The following ZC3H11A variants were observed in gnomAD, a reference collection of about 807,000 sequenced individuals.
The protein encoded by ZC3H11A is zinc finger CCCH-type containing 11A, also known as zinc finger CCCH domain-containing protein 11A.
ZC3H11A carries 22 observed loss-of-function variants against 90.8 expected under a neutral mutation model. The ratio of observed to expected loss-of-function variants is 0.24; its 90% CI spans 0.17 to 0.35. The LOEUF is 0.35. Ranked by LOEUF, ZC3H11A falls within the 10% of genes least tolerant of loss-of-function variation. The probability of loss-of-function intolerance (pLI) is 1.00; values close to 1 mark genes in which losing one functional copy is unlikely to be tolerated. For missense variants in ZC3H11A, 701 were observed against 964.9 expected (o/e 0.73, Z 3.62); for synonymous variants, 294 against 339.8 (o/e 0.87, Z 1.48).
Position 203,828,336 on chromosome 1 carries a change from A to G in ZC3H11A, c.212A>G (p.Gln71Arg). 6.2e-7 allele frequency: 1 copy of G among 1,614,132 alleles called. No individual in the cohort carries two copies. The highest frequency in any genetic ancestry group is 8.5e-7 in the Non-Finnish European group (1 of 1,179,986). The change falls in exon 5 of 18, where the codon CAG (glutamine) becomes CGG (arginine). Residue 71 changes from glutamine to arginine, a missense_variant. Gln to Arg is a conservative substitution (Grantham distance 43, BLOSUM62 1). This residue lies in a region of ZC3H11A where 59 missense variants were observed against 132.8 expected (regional missense o/e 0.44). Transcript: ENST00000367210. ...GAAATTCCTTGTTATTGGGAAAATC[A>G]GCCAACAGGATGTCAAAAATTAAAC... ...RSEIPCYWEN[Q>R]PTGCQKLNCA...
intron 11 of ZC3H11A, among the ~76,000 whole-genome samples, chr1:203,839,929 G>C (rs1685556254): frequency 6.6e-6 from 1 of 151,788 alleles, no homozygotes; most frequent in Non-Finnish European, 1.5e-5. Flanking sequence ...TCAGCCTCCA[G>C]AGTATCTGAG....
chr1:203,831,622 C>T (rs772316781), intron 8 of ZC3H11A, 39 bp from the exon 9 acceptor site: 3 of 1,560,352 alleles, frequency 1.9e-6, no homozygotes, highest in Non-Finnish European at 2.6e-6. Flanking sequence ...GCATTATTTT[C>T]CATAAATTAT....
intron 11 of ZC3H11A, 55 bp downstream of exon 11, chr1:203,838,119 T>C (rs1684951263): frequency 1.3e-6 from 2 of 1,513,812 alleles, no homozygotes. Flanking sequence ...ACTTGTGTCT[T>C]GTAATGCTAA....
chr1:203,830,224 A>G (rs900332382), intron 8 of ZC3H11A, 21 bp downstream of exon 8: 3 of 1,568,142 alleles, frequency 1.9e-6, no homozygotes, highest in Non-Finnish European at 2.6e-6. Context: ...ACGTTTTGGC[A>G]TGGATAGTTG....
intron 12 of ZC3H11A, among the ~76,000 whole-genome samples, chr1:203,846,419 T>C (rs181555389): frequency 6.6e-6 from 1 of 152,334 alleles, no homozygotes; most frequent in Non-Finnish European, 1.5e-5. Context: ...TTCTATCTTG[T>C]CACCTGTTTT....
rs777951704 is a variant in ZC3H11A, at chr1:203,802,922, T to C, written c.-240T>C. On this transcript the variant is annotated 5_prime_UTR_variant, in exon 2 of 18. Transcript: ENST00000367210. ...GAAATTTTTTTCTGCCTCATTATTATTAATTCATGGATTGAGTGTTGGTTC... is the reference window on the plus strand; with the variant it reads ...GAAATTTTTTTCTGCCTCATTATTACTAATTCATGGATTGAGTGTTGGTTC... 6.6e-6 allele frequency: 1 copy of C among 152,572 alleles called. No homozygotes were observed. Among genetic ancestry groups the C allele is most frequent in the Non-Finnish European group, 1.5e-5 (1 of 68,026 alleles). 9.5% of individuals were successfully genotyped at this position (152,572 alleles called of 1,614,324 possible).
At chr1:203,827,849 A>T (rs1200943085) in intron 4 of ZC3H11A, among the ~76,000 whole-genome samples, 1 of 152,180 alleles carries the variant, frequency 6.6e-6, no homozygotes, top group Non-Finnish European at 1.5e-5. Flanking sequence ...CTATGTGCTT[A>T]GTGCTTTATA....
At chr1:203,837,748 G>A (rs1684833699) in intron 10 of ZC3H11A, among the ~76,000 whole-genome samples, 1 of 152,160 alleles carries the variant, frequency 6.6e-6, no homozygotes, top group Non-Finnish European at 1.5e-5. Flanking sequence ...AAAGTGCTGA[G>A]ATTACAGGCC....
At chr1:203,800,729 C>G (rs1670309927) in intron 1 of ZC3H11A, 1 of 267,758 alleles carries the variant, frequency 3.7e-6, no homozygotes, top group East Asian at 7.1e-5. Flanking sequence ...TATAGTGCAG[C>G]ATTGAAAGGC....
intron 1 of ZC3H11A, chr1:203,798,551 G>A (rs970215585): frequency 6.5e-7 from 1 of 1,536,108 alleles, no homozygotes; most frequent in Non-Finnish European, 8.7e-7. Flanking sequence ...GTGATCTCTT[G>A]AGTGATACCT....
At chr1:203,810,422 G>A (rs1316316549) in intron 2 of ZC3H11A, among the ~76,000 whole-genome samples, 2 of 138,610 alleles carry the variant, frequency 1.4e-5, no homozygotes, top group East Asian at 5.3e-4. Context: ...GTAGCTGTTA[G>A]GTTTTTTTTT....
At chr1:203,819,442 G>A (rs1190169277) in intron 4 of ZC3H11A, among the ~76,000 whole-genome samples, 5 of 150,486 alleles carry the variant, frequency 3.3e-5, no homozygotes, top group Admixed American at 2.0e-4. Context: ...GGCTGGGCTC[G>A]AACTCCTGAC....
chr1:203,804,153 T>G (rs751810422), intron 2 of ZC3H11A, among the ~76,000 whole-genome samples: 4 of 74,642 alleles, frequency 5.4e-5, no homozygotes, highest in African/African-American at 8.6e-5. Flanking sequence ...TGTATATGTG[T>G]TTTTTTTTTT....
chr1:203,842,458 T>C lies in ZC3H11A; in HGVS notation c.1042+2084T>C, dbSNP rs536192495. 5.9e-5 allele frequency among the ~76,000 whole-genome samples: 9 copies of C among 151,906 alleles called. No homozygotes were observed. In the East Asian group the frequency reaches 1.8e-3, roughly 30 times the overall value. On this transcript the variant is annotated intron_variant, in intron 12 of 17. Coordinates refer to ENST00000367210, the MANE Select transcript of ZC3H11A (RefSeq NM_001376342.1). ...CCAAAACATGCAAACACCAGTCAAG[T>C]GTGGCGGCGCGCGCCTGCAATCCCA...
At position 203,850,558 on chromosome 1, in the gene ZC3H11A, G is replaced by A; in HGVS notation, c.1983G>A (p.Val661=). 1 of 1,613,982 alleles carries A rather than the reference G, an allele frequency of 6.2e-7. No individual in the cohort carries two copies. Residue 661 remains valine (V), a synonymous_variant, in exon 16 of 18, where the codon GTG becomes GTA. Coordinates refer to ENST00000367210, the MANE Select transcript of ZC3H11A (RefSeq NM_001376342.1). ...TGAAGCCATCTGTGGTTAAAGTTGT[G>A]TCATCCCCCAAATTGGCCCCAAAAC... is the stretch of plus-strand genomic sequence containing the variant. The part of the protein sequence containing the change: ...VNVKPSVVKV[V]SSPKLAPKRK...
intron 9 of ZC3H11A, among the ~76,000 whole-genome samples, chr1:203,833,238 C>T (rs1029983765): frequency 6.6e-6 from 1 of 151,998 alleles, no homozygotes; most frequent in South Asian, 2.1e-4. Context: ...CATGGTGGTG[C>T]ACGCCTGTAA....
At chr1:203,819,858 A>G (rs1432307628) in intron 4 of ZC3H11A, among the ~76,000 whole-genome samples, 3 of 151,794 alleles carry the variant, frequency 2.0e-5, no homozygotes, top group Non-Finnish European at 4.4e-5. Context: ...TTTTAAAAAG[A>G]TTAACATTGA....
rs561140011 is a variant in ZC3H11A, at chr1:203,802,366, C to A, written c.-796C>A. Reference sequence around the variant, plus strand: ...TTTATAATGAACCCAAATCTAAAGTCTTTTATAGTGCATTTTAAAAGGGGA... The same window carrying A: ...TTTATAATGAACCCAAATCTAAAGTATTTTATAGTGCATTTTAAAAGGGGA... On this transcript the variant is annotated 5_prime_UTR_variant, in exon 2 of 18. Coordinates refer to ENST00000367210, the MANE Select transcript of ZC3H11A (RefSeq NM_001376342.1). 18 of 152,424 alleles carry A rather than the reference C, an allele frequency of 1.2e-4. No homozygotes were observed. The South Asian group carries it at 3.3e-3, about 28-fold the overall frequency. The allele number at this position is 152,424 out of a possible 1,614,324, so 9.4% of individuals were successfully genotyped here. A position where few individuals can be genotyped will look rare whatever the true frequency, so the allele number is the denominator to read the frequency against.
intron 2 of ZC3H11A, among the ~76,000 whole-genome samples, chr1:203,807,387 G>A (rs917623388): frequency 6.6e-6 from 1 of 152,138 alleles, no homozygotes; most frequent in Non-Finnish European, 1.5e-5. Context: ...CTGGGCTCAA[G>A]GCTTCCTCCA....
Sources: allele counts gnomAD v4.1 joint callset (sites outside exome capture counted in the v4.1 genomes callset), GRCh38; gene constraint gnomAD v4.1.1; regional missense constraint gnomAD v4.1.1; transcripts MANE v1.5; gene names NCBI Gene and HGNC (gene_info 2026-07-23, HGNC 2026-07-21).